PPP4R2: variants seen among roughly 807,000 people sequenced by gnomAD.
PPP4R2 encodes the protein serine/threonine-protein phosphatase 4 regulatory subunit 2.
Under a neutral mutation model 47.2 loss-of-function variants are expected in PPP4R2, and 13 were observed. The ratio of observed to expected loss-of-function variants is 0.28; its 90% CI spans 0.18 to 0.44. The LOEUF (loss-of-function observed/expected upper bound fraction) is 0.44. Ranked by LOEUF, PPP4R2 falls within the 20% of genes least tolerant of loss-of-function variation. PPP4R2 has a pLI of 1.00. For synonymous variants in PPP4R2, 151 were observed against 163.3 expected, an observed-to-expected ratio of 0.92 and a Z score of 0.57; for missense variants, 421 against 491.2, an observed-to-expected ratio of 0.86 and a Z score of 1.35.
intron 2 of PPP4R2, among the ~76,000 whole-genome samples, chr3:73,035,758 T>A (rs1702250348): frequency 6.6e-6 from 1 of 152,050 alleles, no homozygotes; most frequent in African/African-American, 2.4e-5. Flanking sequence ...CCCAAGTAGC[T>A]GGGACTACAG....
In PPP4R2 at chr3:73,062,624, A is replaced by G. The variant is rs1333450647; in HGVS notation, c.420-1049A>G. On this transcript the variant is annotated intron_variant, in intron 5 of 8. Coordinates refer to ENST00000356692, the MANE Select transcript of PPP4R2 (RefSeq NM_174907.4). ...ACTTTATTGCCCTTGAGAAGTCATC[A>G]GTTCTCCGCCACTGCTGTGACCTTT... The G allele has an allele frequency of 8.1e-6, 13 of 1,613,884 alleles. No individual in the cohort carries two copies. The African/African-American group carries it at 1.5e-4, about 18-fold the overall frequency.
rs936953443 is a variant in PPP4R2, at chr3:72,997,088, C to G, written c.34+17C>G. 6.5e-6 allele frequency: 9 copies of G among 1,374,706 alleles called. No individual in the cohort carries two copies. Among genetic ancestry groups the G allele is most frequent in the Non-Finnish European group, 8.6e-6 (9 of 1,047,762 alleles). 85.2% of individuals were successfully genotyped at this position (1,374,706 alleles called of 1,614,324 possible). A position where few individuals can be genotyped will look rare whatever the true frequency, so the allele number is the denominator to read the frequency against. On this transcript the variant is annotated intron_variant, in intron 1 of 8. Transcript: ENST00000356692. Reference sequence around the variant, plus strand: ...CGCTGAAAGGTGGGGGTAGCTGCCCCCTCTCCATTCCCCCTCACCTTCTCC... The same window carrying G: ...CGCTGAAAGGTGGGGGTAGCTGCCCGCTCTCCATTCCCCCTCACCTTCTCC...
chr3:73,038,253 TG>T (rs1434650001), intron 2 of PPP4R2, among the ~76,000 whole-genome samples: 1 of 152,232 alleles, frequency 6.6e-6, no homozygotes, highest in South Asian at 2.1e-4. Flanking sequence ...AACATCTCTT[TG>T]TTGGCTGTGG....
At chr3:73,049,019 C>T (rs1009162902) in intron 3 of PPP4R2, among the ~76,000 whole-genome samples, 5 of 152,000 alleles carry the variant, frequency 3.3e-5, no homozygotes, top group East Asian at 3.9e-4. Flanking sequence ...TCACTGTGCA[C>T]CCTGTTGGAC....
At chr3:73,010,145 G>A (rs1701692914) in intron 2 of PPP4R2, among the ~76,000 whole-genome samples, 1 of 152,192 alleles carries the variant, frequency 6.6e-6, no homozygotes, top group Non-Finnish European at 1.5e-5. Context: ...GCCCTTAGTG[G>A]TATTTTTTAA....
chr3:73,020,691 A>AAAAAAAAAAAT (rs1491161875), intron 2 of PPP4R2, among the ~76,000 whole-genome samples: 10 of 148,742 alleles, frequency 6.7e-5, no homozygotes, highest in African/African-American at 2.5e-4. Flanking sequence ...AAAAAAAAAA[A>AAAAAAAAAAAT]GTTAAAAAAC....
In PPP4R2 at chr3:73,015,579, G is replaced by A. The variant is rs140606306; in HGVS notation, c.116+17421G>A. On this transcript the variant is annotated intron_variant, in intron 2 of 8. Coordinates refer to ENST00000356692, the MANE Select transcript of PPP4R2 (RefSeq NM_174907.4). The stretch of plus-strand genomic sequence containing the variant: ...CAACCTCTGCCTCCCTGGTTCGAGC[G>A]ATTCTTCTACCTCAGCCTCTCGATT... Among the ~76,000 whole-genome samples, 201 of 149,992 alleles carry A rather than the reference G, an allele frequency of 1.3e-3. 2 individuals carry two copies. The highest frequency in any genetic ancestry group is 4.8e-3 in the African/African-American group (194 of 40,716).
chr3:73,046,283 G>C (rs1224756668), intron 2 of PPP4R2, among the ~76,000 whole-genome samples: 2 of 152,186 alleles, frequency 1.3e-5, no homozygotes, highest in Non-Finnish European at 1.5e-5. Flanking sequence ...TGCTACCCTA[G>C]TTTATAGGGT....
chr3:73,022,403 C>A (rs1381599617), intron 2 of PPP4R2, among the ~76,000 whole-genome samples: 1 of 152,068 alleles, frequency 6.6e-6, no homozygotes, highest in African/African-American at 2.4e-5. Context: ...ACAATTATTA[C>A]TTTTGTTATG....
rs561786396 is a variant in PPP4R2 at position 73,057,135 on chromosome 3, A to G, written c.288-1902A>G. 1.1e-4 allele frequency among the ~76,000 whole-genome samples: 17 copies of G among 152,228 alleles called. No homozygotes were observed. In the South Asian group the frequency reaches 3.3e-3, roughly 30 times the overall value. On this transcript the variant is annotated intron_variant, in intron 3 of 8. Coordinates refer to ENST00000356692, the MANE Select transcript of PPP4R2 (RefSeq NM_174907.4). ...AAGAGGAGCTAAGGTGAGTTATACC[A>G]CTAATCTGAAATCCACGATAATACT...
At chr3:73,047,424 T>A (rs1304893559) in intron 3 of PPP4R2, 68 bp downstream of exon 3, 14 of 1,053,664 alleles carry the variant, frequency 1.3e-5, no homozygotes, top group Non-Finnish European at 1.9e-5. Flanking sequence ...TCTTTTAGTT[T>A]TGATGTGTCT....
intron 2 of PPP4R2, among the ~76,000 whole-genome samples, chr3:73,004,174 C>A (rs1307286584): frequency 7.3e-6 from 1 of 137,438 alleles, no homozygotes; most frequent in Non-Finnish European, 1.6e-5. Flanking sequence ...TTGTCTGTGC[C>A]TTTTATTCTT....
At chr3:73,033,718 A>G (rs930237737) in intron 2 of PPP4R2, among the ~76,000 whole-genome samples, 3 of 152,066 alleles carry the variant, frequency 2.0e-5, no homozygotes, top group Non-Finnish European at 4.4e-5. Flanking sequence ...ATCCCTGTCT[A>G]GCTTTTGTGT....
rs2107357917 is a variant in PPP4R2 at position 73,068,702 on chromosome 3, A to G, written c.*2980A>G. 1 of 152,124 alleles carries G rather than the reference A, an allele frequency of 6.6e-6. No individual in the cohort carries two copies. The highest frequency in any genetic ancestry group is 2.4e-5 in the African/African-American group (1 of 41,504). The allele number at this position is 152,124 out of a possible 1,614,324, so 9.4% of individuals were successfully genotyped here. A position where few individuals can be genotyped will look rare whatever the true frequency, so the allele number is the denominator to read the frequency against. On this transcript the variant is annotated 3_prime_UTR_variant, in exon 9 of 9. Coordinates refer to ENST00000356692, the MANE Select transcript of PPP4R2 (RefSeq NM_174907.4). ...GTTTTGCCGGTGTAGATAGGCATGT[A>G]TTTATGCATTTTTGCATTTGTAAAA...
At chr3:73,032,302 T>G (rs77746237) in intron 2 of PPP4R2, among the ~76,000 whole-genome samples, 2 of 151,878 alleles carry the variant, frequency 1.3e-5, no homozygotes, top group Non-Finnish European at 2.9e-5. Context: ...TTTTTTTTTT[T>G]GAGACGGAGT....
rs559829476 is a variant in PPP4R2 at position 72,999,877 on chromosome 3, A to T, written c.116+1719A>T. On this transcript the variant is annotated intron_variant, in intron 2 of 8. Coordinates refer to ENST00000356692, the MANE Select transcript of PPP4R2 (RefSeq NM_174907.4). Reference sequence around the variant, plus strand: ...ATATTTTTTATTTTATTATGTAAATAGCAGCCAGTGTTTATGCATTTAGCT... The same window carrying T: ...ATATTTTTTATTTTATTATGTAAATTGCAGCCAGTGTTTATGCATTTAGCT... Among the ~76,000 whole-genome samples the T allele has an allele frequency of 2.0e-5, 3 of 152,364 alleles. No individual in the cohort carries two copies. The East Asian group carries it at 5.8e-4, about 29-fold the overall frequency.
At chr3:73,063,893 C>A in intron 6 of PPP4R2, 110 bp from the exon 7 acceptor site, 1 of 1,211,100 alleles carries the variant, frequency 8.3e-7, no homozygotes, top group African/African-American at 1.5e-5. Flanking sequence ...AGGCATGGGC[C>A]TGAAAACAAA....
At chr3:73,027,732 A>T (rs1702094373) in intron 2 of PPP4R2, 1 of 151,694 alleles carries the variant, frequency 6.6e-6, no homozygotes, top group African/African-American at 2.4e-5. Flanking sequence ...TAAATAAATT[A>T]TATATTATGT....
In PPP4R2 at chr3:73,028,812, A is replaced by C. The variant is rs188403348; in HGVS notation, c.117-18374A>C. Among the ~76,000 whole-genome samples, 120 of 152,274 alleles carry C rather than the reference A, an allele frequency of 7.9e-4. 1 individual carries two copies. Among genetic ancestry groups the C allele is most frequent in the Admixed American group, 2.9e-3 (45 of 15,300 alleles). ...GTGTGTCTAGCCCTTTCACAGACTA[A>C]CAAGGAGGCCACTGTGGCTGAAGTA... is the stretch of plus-strand genomic sequence containing the variant. On this transcript the variant is annotated intron_variant, in intron 2 of 8. Transcript: ENST00000356692.
Sources: gnomAD v4.1 joint callset for allele counts (sites outside exome capture counted in the v4.1 genomes callset) on GRCh38, gnomAD v4.1.1 for gene constraint, MANE v1.5 for transcripts, NCBI Gene and HGNC (gene_info 2026-07-23, HGNC 2026-07-21) for gene names.